ADAMTS12: variants seen among roughly 807,000 people sequenced by gnomAD.
ADAMTS12 encodes the protein ADAM metallopeptidase with thrombospondin type 1 motif 12.
ADAMTS12 carries 118 observed loss-of-function variants against 167.8 expected under a neutral mutation model. The ratio of observed to expected loss-of-function variants is 0.70; its 90% CI spans 0.61 to 0.82. The LOEUF (loss-of-function observed/expected upper bound fraction) is 0.82, where lower values mean the gene tolerates loss of function less well. Among genes scored for constraint, ADAMTS12 ranks in the 40% least tolerant of loss-of-function variants. The pLI is 0.00. For synonymous variants in ADAMTS12, 704 were observed against 716.9 expected (o/e 0.98, Z 0.29); for missense variants, 1,916 against 1,998.8 (o/e 0.96, Z 0.79).
chr5:33,527,776 A>G (rs1313636092), intron 23 of ADAMTS12, among the ~76,000 whole-genome samples: 1 of 152,198 alleles, frequency 6.6e-6, no homozygotes, highest in Non-Finnish European at 1.5e-5. Context: ...TGCTGTCACC[A>G]TAAGAAGAAC....
chr5:33,649,547 C>T lies in ADAMTS12; in HGVS notation c.1334+7G>A, dbSNP rs1740798133. 2 of 1,613,038 alleles carry T rather than the reference C, an allele frequency of 1.2e-6. No homozygotes were observed. The highest frequency in any genetic ancestry group is 1.7e-6 in the Non-Finnish European group (2 of 1,179,502). On this transcript the variant is annotated splice_region_variant and intron_variant, in intron 8 of 23. Coordinates refer to ENST00000504830, the MANE Select transcript of ADAMTS12 (RefSeq NM_030955.4). ...AGGTGAGGGCGTCATGAGACACTGT[C>T]ACTTACTCCAAGAAGCGGGTGATGT...
In ADAMTS12 at chr5:33,615,878, G is replaced by C. The variant is rs752680301; in HGVS notation, c.2338C>G (p.Leu780Val). 2.5e-6 allele frequency: 4 copies of C among 1,614,112 alleles called. No homozygotes were observed. Among genetic ancestry groups the C allele is most frequent in the Non-Finnish European group, 3.4e-6 (4 of 1,180,006 alleles). The change falls in exon 15 of 24, where the codon CTG (leucine) becomes GTG (valine). Residue 780 changes from leucine to valine, a missense_variant. Coordinates refer to ENST00000504830, the MANE Select transcript of ADAMTS12 (RefSeq NM_030955.4). ...TVFQYDRKGD[L>V]EKLMATGPTN... ...GGACCTGTGGCCATCAGCTTTTCCA[G>C]GTCTCCTTTCCTGTCATACTGAAAG...
intron 20 of ADAMTS12, among the ~76,000 whole-genome samples, chr5:33,560,003 G>C (rs879730628): frequency 6.6e-6 from 1 of 152,072 alleles, no homozygotes; most frequent in Admixed American, 6.5e-5. Context: ...CCATATATTC[G>C]CTTTGTAAAG....
rs139512502 is a variant in ADAMTS12, at chr5:33,702,718, T to C, written c.635-18663A>G. On this transcript the variant is annotated intron_variant, in intron 3 of 23. Coordinates refer to ENST00000504830, the MANE Select transcript of ADAMTS12 (RefSeq NM_030955.4). ...TGCATTTTTTTTCATTGACAAAACC[T>C]GACCTTTTATTAAACATTCCTTTAG... 2.1e-3 allele frequency among the ~76,000 whole-genome samples: 320 copies of C among 152,328 alleles called. 2 individuals carry two copies. Among genetic ancestry groups the C allele is most frequent in the African/African-American group, 7.4e-3 (309 of 41,584 alleles).
chr5:33,659,225 T>C (rs1741169697), intron 6 of ADAMTS12, among the ~76,000 whole-genome samples: 1 of 152,142 alleles, frequency 6.6e-6, no homozygotes, highest in African/African-American at 2.4e-5. Context: ...GTTCTCCAGG[T>C]TGCAATGGCT....
At chr5:33,846,241 G>C (rs1748939887) in intron 2 of ADAMTS12, among the ~76,000 whole-genome samples, 1 of 151,410 alleles carries the variant, frequency 6.6e-6, no homozygotes, top group Non-Finnish European at 1.5e-5. Flanking sequence ...GAAGAAACTG[G>C]AGTTATCAGA....
chr5:33,620,702 G>A (rs1408086042), intron 14 of ADAMTS12, among the ~76,000 whole-genome samples: 2 of 151,994 alleles, frequency 1.3e-5, no homozygotes, highest in Admixed American at 6.6e-5. Context: ...TATATTTTAT[G>A]GTAGTAAATG....
intron 7 of ADAMTS12, 82 bp downstream of exon 7, chr5:33,658,102 G>T: frequency 6.5e-7 from 1 of 1,536,002 alleles, no homozygotes; most frequent in South Asian, 1.2e-5. Context: ...CCCCCAATTT[G>T]AGGTGTGTTC....
At chr5:33,825,750 A>G (rs1748041924) in intron 2 of ADAMTS12, among the ~76,000 whole-genome samples, 1 of 152,218 alleles carries the variant, frequency 6.6e-6, no homozygotes, top group African/African-American at 2.4e-5. Context: ...ATAATCCATT[A>G]TACAAAAACT....
intron 5 of ADAMTS12, among the ~76,000 whole-genome samples, chr5:33,666,047 C>T (rs1741453534): frequency 6.6e-6 from 1 of 152,222 alleles, no homozygotes; most frequent in South Asian, 2.1e-4. Flanking sequence ...TATTTAAACT[C>T]CCCAAAATTC....
At chr5:33,657,163 T>C (rs965574244) in intron 7 of ADAMTS12, among the ~76,000 whole-genome samples, 3 of 152,196 alleles carry the variant, frequency 2.0e-5, no homozygotes, top group Admixed American at 1.3e-4. Flanking sequence ...GGCTTTATAA[T>C]GTAGGTAAAA....
chr5:33,675,432 G>A (rs1741870086), intron 5 of ADAMTS12, among the ~76,000 whole-genome samples: 1 of 152,180 alleles, frequency 6.6e-6, no homozygotes, highest in African/African-American at 2.4e-5. Flanking sequence ...TGACATTCCA[G>A]TTTTGCTATA....
In ADAMTS12 at chr5:33,614,234, T is replaced by C; in HGVS notation, c.2527+4A>G. The C allele has an allele frequency of 2.5e-6, 4 of 1,613,138 alleles. No individual in the cohort carries two copies. Among genetic ancestry groups the C allele is most frequent in the Non-Finnish European group, 3.4e-6 (4 of 1,179,524 alleles). On this transcript the variant is annotated splice_donor_region_variant and intron_variant, in intron 16 of 23. Coordinates refer to ENST00000504830, the MANE Select transcript of ADAMTS12 (RefSeq NM_030955.4). ...GCTTCATAGTGAGAGCAGCTGTTTC[T>C]CACCTGTCCCGCAGGTCACACTGCA...
intron 18 of ADAMTS12, among the ~76,000 whole-genome samples, chr5:33,587,287 T>C (rs1413958031): frequency 6.6e-6 from 1 of 152,218 alleles, no homozygotes; most frequent in Non-Finnish European, 1.5e-5. Flanking sequence ...GTCACATATT[T>C]ATCATCAAAT....
chr5:33,572,680 AAC>A (rs1373998429), intron 19 of ADAMTS12, among the ~76,000 whole-genome samples: 3 of 144,100 alleles, frequency 2.1e-5, no homozygotes, highest in African/African-American at 7.8e-5. Flanking sequence ...TCCCTTTGAA[AAC>A]TGGCACAAGA....
At chr5:33,660,876 T>A (rs1456211112) in intron 6 of ADAMTS12, among the ~76,000 whole-genome samples, 1 of 152,028 alleles carries the variant, frequency 6.6e-6, no homozygotes, top group Non-Finnish European at 1.5e-5. Flanking sequence ...CTCAAAAGAG[T>A]GATTCTGATG....
intron 3 of ADAMTS12, among the ~76,000 whole-genome samples, chr5:33,691,439 T>C (rs926712174): frequency 3.3e-5 from 5 of 152,222 alleles, no homozygotes; most frequent in African/African-American, 7.2e-5. Flanking sequence ...ATGATCTATA[T>C]GGAAATGAAG....
rs570532714 is a variant in ADAMTS12, at chr5:33,683,590, C to T, written c.831+269G>A. Among the ~76,000 whole-genome samples the T allele has an allele frequency of 3.4e-4, 51 of 152,166 alleles. 1 individual carries two copies. Among genetic ancestry groups the T allele is most frequent in the Middle Eastern group, 3.4e-3 (1 of 294 alleles). ...CATAAACTGATGAGACAAAGCCACACGAAAAGGATTGAGTCACTTGGAAAA... is the reference window on the plus strand; with the variant it reads ...CATAAACTGATGAGACAAAGCCACATGAAAAGGATTGAGTCACTTGGAAAA... On this transcript the variant is annotated intron_variant, in intron 4 of 23. Transcript: ENST00000504830.
intron 3 of ADAMTS12, among the ~76,000 whole-genome samples, chr5:33,710,769 TTTAAG>T (rs1389684300): frequency 1.3e-5 from 2 of 152,148 alleles, no homozygotes; most frequent in Admixed American, 1.3e-4. Context: ...GGGTGTGCCA[TTTAAG>T]TTGAGACCTC....
Sources: gnomAD v4.1 joint callset for allele counts (sites outside exome capture counted in the v4.1 genomes callset) on GRCh38, gnomAD v4.1.1 for gene constraint, MANE v1.5 for transcripts, NCBI Gene and HGNC (gene_info 2026-07-23, HGNC 2026-07-21) for gene names.